NEMP2: variants seen among roughly 807,000 people sequenced by gnomAD.
NEMP2 encodes the protein nuclear envelope integral membrane protein 2, also known as UPF0571 transmembrane protein.
Under a neutral mutation model 54.2 loss-of-function variants are expected in NEMP2, and 53 were observed. That is an observed-to-expected ratio of 0.98 (90% CI 0.78 to 1.23). NEMP2 has a LOEUF of 1.23. Ranked by LOEUF, NEMP2 falls within the 50% of genes most tolerant of loss-of-function variation. The probability of loss-of-function intolerance (pLI) is 0.00; values close to 1 mark genes in which losing one functional copy is unlikely to be tolerated. For synonymous variants in NEMP2, 197 were observed against 190.3 expected, an observed-to-expected ratio of 1.04 and a Z score of -0.29; for missense variants, 455 against 511.3, an observed-to-expected ratio of 0.89 and a Z score of 1.06.
At chr2:190,435,929 A>G in the NEMP2 span, 12 of 1,414,878 alleles carry the variant, frequency 8.5e-6, no homozygotes, top group South Asian at 1.5e-4. Context: ...CTGTGTTTAC[A>G]TGTTATGATT....
At chr2:190,644,748 G>T in the NEMP2 span, among the ~76,000 whole-genome samples, 2 of 152,104 alleles carry the variant, frequency 1.3e-5, no homozygotes, top group African/African-American at 4.8e-5. This position sits in a 1 kb window ranked among gnomAD's most constrained non-coding sequence, Gnocchi z 4.4. Context: ...CTACTTGAGG[G>T]TGAGGGGTGG....
At position 190,509,376 on chromosome 2, in the gene NEMP2, C is replaced by A; in HGVS notation, c.1131-64G>T. On this transcript the variant is annotated intron_variant, in intron 8 of 8. Transcript: ENST00000409150. The surrounding 1 kb of genome is among the most constrained non-coding windows in gnomAD (Gnocchi z 6.1). ...TCAGGAAGGTTTATTTGAAAGATAA[C>A]ATGTTCCCTTGCTATTTATCCCCTT... 1 of 1,510,676 alleles carries A rather than the reference C, an allele frequency of 6.6e-7. No homozygotes were observed. The highest frequency in any genetic ancestry group is 9.0e-7 in the Non-Finnish European group (1 of 1,112,900). The allele number at this position is 1,510,676 out of a possible 1,614,324, so 93.6% of individuals were successfully genotyped here.
At chr2:190,482,672 CT>C in the NEMP2 span, among the ~76,000 whole-genome samples, 26,536 of 151,712 alleles carry the variant, frequency 0.17, 2,485 homozygotes, top group East Asian at 0.3. Context: ...GAAGAAAGGA[CT>C]TTTTTTCCTG....
the NEMP2 span, among the ~76,000 whole-genome samples, chr2:190,548,157 T>A: frequency 2.0e-5 from 3 of 152,178 alleles, no homozygotes; most frequent in African/African-American, 7.2e-5. Context: ...CCTAACCACA[T>A]TGTGGTTGTG....
At chr2:190,557,738 G>A in the NEMP2 span, among the ~76,000 whole-genome samples, 1 of 152,162 alleles carries the variant, frequency 6.6e-6, no homozygotes, top group African/African-American at 2.4e-5. Flanking sequence ...ATTATCACTG[G>A]TCATTAGAGA....
chr2:190,488,702 G>C, the NEMP2 span: 1 of 1,603,986 alleles, frequency 6.2e-7, no homozygotes, highest in African/African-American at 1.3e-5. This position sits in a 1 kb window ranked among gnomAD's most constrained non-coding sequence, Gnocchi z 6.4. Context: ...TCTTACCTCA[G>C]TGCAGCCGTT....
chr2:190,534,606 A>T lies in NEMP2; in HGVS notation c.50T>A (p.Leu17Gln). ...RWWLLLWLPP[L>Q]ATLPVRGEAA... ...CTCCCCGCGCACGGGCAGTGTGGCC[A>T]GGGGCGGCAGCCAGAGCAGCAGCCA... Residue 17 changes from leucine (L) to glutamine (Q), a missense_variant, in exon 1 of 9, where the codon CTG becomes CAG. Around this residue, in one of 3 missense-constraint regions of NEMP2, gnomAD observed 100 missense variants for 80.2 expected, o/e 1.25. Coordinates refer to ENST00000409150, the MANE Select transcript of NEMP2 (RefSeq NM_001142645.2). The T allele has an allele frequency of 7.2e-7, 1 of 1,390,394 alleles. No homozygotes were observed. The highest frequency in any genetic ancestry group is 3.3e-5 in the Admixed American group (1 of 30,338). 86.1% of individuals were successfully genotyped at this position (1,390,394 alleles called of 1,614,324 possible).
Position 190,533,923 on chromosome 2 carries a change from T to C in NEMP2, c.97+636A>G. On this transcript the variant is annotated intron_variant, in intron 1 of 8. Transcript: ENST00000409150. This position sits in a 1 kb window ranked among gnomAD's most constrained non-coding sequence, Gnocchi z 4.3. ...TTAAGCCCACTCCGTGGCGAGCCCC[T>C]ACAGCTAGCAGCCGCTACCAGTTCT... 3 of 966,832 alleles carry C rather than the reference T, an allele frequency of 3.1e-6. No individual in the cohort carries two copies. Among genetic ancestry groups the C allele is most frequent in the Non-Finnish European group, 3.7e-6 (3 of 812,974 alleles). The allele number at this position is 966,832 out of a possible 1,614,324, so 59.9% of individuals were successfully genotyped here. A position where few individuals can be genotyped will look rare whatever the true frequency, so the allele number is the denominator to read the frequency against.
chr2:190,540,792 G>A, the NEMP2 span, among the ~76,000 whole-genome samples: 1 of 152,154 alleles, frequency 6.6e-6, no homozygotes, highest in African/African-American at 2.4e-5. Context: ...AAAAGAGTTT[G>A]AGTAGAATTG....
chr2:190,449,886 A>G, the NEMP2 span, among the ~76,000 whole-genome samples: 89 of 152,136 alleles, frequency 5.9e-4, no homozygotes, highest in African/African-American at 6.3e-4. Context: ...AGGGGGGAGG[A>G]ATAGCTTTAG....
At chr2:190,548,092 G>A in the NEMP2 span, among the ~76,000 whole-genome samples, 5 of 151,968 alleles carry the variant, frequency 3.3e-5, no homozygotes, top group Non-Finnish European at 7.4e-5. Flanking sequence ...AAGGAAAGAG[G>A]GAGGATGTAG....
upstream of NEMP2, chr2:190,534,989 G>T (rs150351757): frequency 3.7e-5 from 8 of 218,002 alleles, no homozygotes; most frequent in Admixed American, 4.7e-4. Context: ...CCTGGGGACC[G>T]CCCGGCCGTG....
the NEMP2 span, among the ~76,000 whole-genome samples, chr2:190,564,481 CT>C: frequency 6.6e-6 from 1 of 152,160 alleles, no homozygotes; most frequent in African/African-American, 2.4e-5. This position sits in a 1 kb window ranked among gnomAD's most constrained non-coding sequence, Gnocchi z 4.2. Context: ...CTACTCTTTC[CT>C]TTAAATTTCC....
the NEMP2 span, among the ~76,000 whole-genome samples, chr2:190,448,647 T>C: frequency 6.6e-6 from 1 of 152,314 alleles, no homozygotes; most frequent in South Asian, 2.1e-4. Context: ...TTTACATATA[T>C]ATAAAGACAT....
the NEMP2 span, among the ~76,000 whole-genome samples, chr2:190,585,597 C>T: frequency 6.6e-6 from 1 of 152,170 alleles, no homozygotes; most frequent in African/African-American, 2.4e-5. This position sits in a 1 kb window ranked among gnomAD's most constrained non-coding sequence, Gnocchi z 5.3. Context: ...TTGCAAAGTA[C>T]AACTGGTACA....
the NEMP2 span, among the ~76,000 whole-genome samples, chr2:190,443,470 A>G: frequency 3.3e-5 from 5 of 152,178 alleles, no homozygotes; most frequent in African/African-American, 1.2e-4. This position sits in a 1 kb window ranked among gnomAD's most constrained non-coding sequence, Gnocchi z 4.2. Flanking sequence ...TCAGTCTGAT[A>G]TATTATGCTG....
the NEMP2 span, among the ~76,000 whole-genome samples, chr2:190,486,909 A>G: frequency 1.3e-5 from 2 of 152,216 alleles, no homozygotes; most frequent in Non-Finnish European, 1.5e-5. Context: ...AATTCAGACA[A>G]TGCAGTTACT....
chr2:190,520,147 A>G lies in NEMP2; in HGVS notation c.214-964T>C, dbSNP rs1416477209. Among the ~76,000 whole-genome samples the G allele has an allele frequency of 6.6e-6, 1 of 152,200 alleles. No individual in the cohort carries two copies. Among genetic ancestry groups the G allele is most frequent in the Non-Finnish European group, 1.5e-5 (1 of 68,042 alleles). On this transcript the variant is annotated intron_variant, in intron 2 of 8. Transcript: ENST00000409150. The surrounding 1 kb of genome is among the most constrained non-coding windows in gnomAD (Gnocchi z 5.4). ...CCCACAGTCACATTATCTCTGAAGT[A>G]TGCCTGTAATCAGTGGCAAACTATA... is the stretch of plus-strand genomic sequence containing the variant.
the NEMP2 span, chr2:190,477,491 C>T: frequency 9.9e-6 from 4 of 404,132 alleles, no homozygotes; most frequent in Admixed American, 6.4e-5. Context: ...CCATAAGTGA[C>T]CCAAGAAAAG....
Sources: gnomAD v4.1 joint callset for allele counts (sites outside exome capture counted in the v4.1 genomes callset) on GRCh38, gnomAD v4.1.1 for gene constraint, gnomAD v4.1.1 regional missense constraint, Gnocchi (gnomAD v3.1) non-coding constraint, MANE v1.5 for transcripts, NCBI Gene and HGNC (gene_info 2026-07-23, HGNC 2026-07-21) for gene names.